The following NTNG1 variants were observed in gnomAD, a reference collection of about 807,000 sequenced individuals.
NTNG1 encodes netrin-G1.
NTNG1 carries 16 observed loss-of-function variants against 54.0 expected under a neutral mutation model. The ratio of observed to expected loss-of-function variants is 0.30; its 90% CI spans 0.20 to 0.45. The LOEUF is 0.45. Among genes scored for constraint, NTNG1 ranks in the 20% least tolerant of loss-of-function variants. The probability of loss-of-function intolerance (pLI) is 1.00; values close to 1 mark genes in which losing one functional copy is unlikely to be tolerated. For missense variants in NTNG1, 530 were observed against 678.7 expected (o/e 0.78, Z 2.43); for synonymous variants, 255 against 263.1 (o/e 0.97, Z 0.30).
At chr1:107,168,761 A>G (rs1025351495) in intron 2 of NTNG1, among the ~76,000 whole-genome samples, 27 of 152,294 alleles carry the variant, frequency 1.8e-4, no homozygotes, top group African/African-American at 6.0e-4. Flanking sequence ...TAAAGGGCTG[A>G]TTCATAGAAC....
intron 7 of NTNG1, among the ~76,000 whole-genome samples, chr1:107,457,118 G>T (rs1465361088): frequency 6.6e-6 from 1 of 152,188 alleles, no homozygotes; most frequent in African/African-American, 2.4e-5. Context: ...AACCTTTTCT[G>T]TGCTGCATTA....
intron 2 of NTNG1, among the ~76,000 whole-genome samples, chr1:107,205,653 C>T (rs1659129423): frequency 6.6e-6 from 1 of 151,930 alleles, no homozygotes; most frequent in African/African-American, 2.4e-5. Context: ...ATCCGTCTAA[C>T]ATACACGCAG....
intron 3 of NTNG1, among the ~76,000 whole-genome samples, chr1:107,326,681 C>A (rs2101885526): frequency 6.6e-6 from 1 of 152,124 alleles, no homozygotes; most frequent in South Asian, 2.1e-4. Flanking sequence ...AATTTCCTTG[C>A]AGTTTAAAAA....
At position 107,345,642 on chromosome 1, in the gene NTNG1, C is replaced by T. The variant is rs530388671; in HGVS notation, c.887+20720C>T. Among the ~76,000 whole-genome samples the T allele has an allele frequency of 4.6e-5, 7 of 152,276 alleles. No individual in the cohort carries two copies. The East Asian group carries it at 1.4e-3, about 29-fold the overall frequency. On this transcript the variant is annotated intron_variant, in intron 3 of 7. Coordinates refer to ENST00000370068, the MANE Select transcript of NTNG1 (RefSeq NM_001113226.3). ...CTGCAGGCTGATAACTGGCCCTCATCTCAAACAGTCTGAATGTCACCCACT... is the reference window on the plus strand; with the variant it reads ...CTGCAGGCTGATAACTGGCCCTCATTTCAAACAGTCTGAATGTCACCCACT...
intron 2 of NTNG1, among the ~76,000 whole-genome samples, chr1:107,242,289 T>G (rs143246743): frequency 1.2e-3 from 179 of 152,214 alleles, no homozygotes; most frequent in Admixed American, 2.0e-3. Flanking sequence ...ACACTCCAGC[T>G]TGGGTGACAG....
chr1:107,211,823 G>A (rs1216570035), intron 2 of NTNG1, among the ~76,000 whole-genome samples: 1 of 152,148 alleles, frequency 6.6e-6, no homozygotes, highest in African/African-American at 2.4e-5. Context: ...AGGAAAGGAA[G>A]TCTAATGAAA....
In NTNG1 at chr1:107,483,413, T is replaced by A. The variant is rs1190289949; in HGVS notation, c.*2573T>A. The A allele has an allele frequency of 6.6e-6, 1 of 152,242 alleles. No individual in the cohort carries two copies. The highest frequency in any genetic ancestry group is 6.5e-5 in the Admixed American group (1 of 15,288). The allele number at this position is 152,242 out of a possible 1,614,324, so 9.4% of individuals were successfully genotyped here. A position where few individuals can be genotyped will look rare whatever the true frequency, so the allele number is the denominator to read the frequency against. On this transcript the variant is annotated 3_prime_UTR_variant, in exon 8 of 8. Transcript: ENST00000370068. ...GTATTTAGATATAGTTTTCTGAATT[T>A]CCTGAAGCGATGTGATCTGCTTTTA...
chr1:107,290,223 C>T (rs561884306), intron 2 of NTNG1, among the ~76,000 whole-genome samples: 68 of 152,272 alleles, frequency 4.5e-4, no homozygotes, highest in South Asian at 1.0e-3. Flanking sequence ...TAAGGGTATA[C>T]ATACTGAAAT....
intron 2 of NTNG1, among the ~76,000 whole-genome samples, chr1:107,247,420 T>C (rs1045446247): frequency 3.3e-5 from 5 of 152,232 alleles, no homozygotes; most frequent in Admixed American, 3.3e-4. Flanking sequence ...TGATGAGCTG[T>C]ATCATGCAAA....
chr1:107,293,008 T>C (rs1208966460), intron 2 of NTNG1, among the ~76,000 whole-genome samples: 1 of 152,156 alleles, frequency 6.6e-6, no homozygotes, highest in East Asian at 1.9e-4. Context: ...TTCTTTCTTC[T>C]AAGGAAGCAA....
At chr1:107,392,972 A>C (rs1672458376) in intron 3 of NTNG1, among the ~76,000 whole-genome samples, 1 of 152,194 alleles carries the variant, frequency 6.6e-6, no homozygotes, top group Non-Finnish European at 1.5e-5. Context: ...AGGACAGCTG[A>C]GAATGAGCCA....
chr1:107,256,915 A>G (rs1461905655), intron 2 of NTNG1, among the ~76,000 whole-genome samples: 1 of 151,254 alleles, frequency 6.6e-6, no homozygotes, highest in Non-Finnish European at 1.5e-5. Context: ...CCAAATTGTT[A>G]TTTTTTTTTA....
chr1:107,380,446 T>C (rs1671572344), intron 3 of NTNG1, among the ~76,000 whole-genome samples: 1 of 152,166 alleles, frequency 6.6e-6, no homozygotes, highest in Non-Finnish European at 1.5e-5. Context: ...TCCCTAGGGA[T>C]GATTTTTTTC....
chr1:107,189,522 A>C (rs1657744379), intron 2 of NTNG1, among the ~76,000 whole-genome samples: 1 of 151,700 alleles, frequency 6.6e-6, no homozygotes, highest in African/African-American at 2.4e-5. Context: ...ACTGTTTGCT[A>C]CACAAGTATC....
chr1:107,452,038 A>C (rs1676657477), intron 7 of NTNG1, among the ~76,000 whole-genome samples: 1 of 152,162 alleles, frequency 6.6e-6, no homozygotes, highest in African/African-American at 2.4e-5. Flanking sequence ...TTGTTGAAAA[A>C]ATTATATAAC....
At chr1:107,241,175 G>A (rs1204188548) in intron 2 of NTNG1, among the ~76,000 whole-genome samples, 1 of 152,156 alleles carries the variant, frequency 6.6e-6, no homozygotes, top group Non-Finnish European at 1.5e-5. Context: ...TGGATCATTT[G>A]TGATTGACAG....
At chr1:107,380,449 T>C (rs1466769223) in intron 3 of NTNG1, among the ~76,000 whole-genome samples, 1 of 151,772 alleles carries the variant, frequency 6.6e-6, no homozygotes, top group African/African-American at 2.4e-5. Context: ...CTAGGGATGA[T>C]TTTTTTCTTT....
chr1:107,292,232 G>A (rs368192077), intron 2 of NTNG1, among the ~76,000 whole-genome samples: 4 of 152,208 alleles, frequency 2.6e-5, no homozygotes, highest in East Asian at 3.8e-4. Flanking sequence ...TGGCAAATCT[G>A]TGTGGGTCTG....
intron 7 of NTNG1, among the ~76,000 whole-genome samples, chr1:107,441,284 G>A (rs1437808186): frequency 6.6e-6 from 1 of 152,152 alleles, no homozygotes; most frequent in Non-Finnish European, 1.5e-5. Context: ...TAATGTGACT[G>A]GTGAGGAGAT....
Sources: allele counts gnomAD v4.1 joint callset (sites outside exome capture counted in the v4.1 genomes callset), GRCh38; gene constraint gnomAD v4.1.1; transcripts MANE v1.5; gene names NCBI Gene and HGNC (gene_info 2026-07-23, HGNC 2026-07-21).